Variants in FRG1 observed in about 807,000 individuals in gnomAD.
FRG1 encodes the protein protein FRG1.
FRG1 carries 19 observed loss-of-function variants against 37.0 expected under a neutral mutation model. The ratio of observed to expected loss-of-function variants is 0.51; its 90% CI spans 0.36 to 0.75. The LOEUF (loss-of-function observed/expected upper bound fraction) is 0.75. Ranked by LOEUF, FRG1 falls within the 30% of genes least tolerant of loss-of-function variation. The probability of loss-of-function intolerance (pLI) is 0.00; values close to 1 mark genes in which losing one functional copy is unlikely to be tolerated. For synonymous variants in FRG1, 73 were observed against 96.5 expected (o/e 0.76, Z 1.43); for missense variants, 243 against 301.4 (o/e 0.81, Z 1.44).
At chr4:189,943,945 G>A (rs1403520352) in intron 2 of FRG1, among the ~76,000 whole-genome samples, 1 of 152,150 alleles carries the variant, frequency 6.6e-6, no homozygotes, top group Admixed American at 6.5e-5. Flanking sequence ...TCTAAAATTA[G>A]GGTAAATATC....
chr4:189,943,252 A>G lies in FRG1; in HGVS notation c.113A>G (p.Glu38Gly). 2.5e-6 allele frequency: 4 copies of G among 1,609,662 alleles called. No individual in the cohort carries two copies. The highest frequency in any genetic ancestry group is 3.4e-6 in the Non-Finnish European group (4 of 1,178,044). The change falls in exon 2 of 9, where the codon GAA (glutamate) becomes GGA (glycine). Residue 38 changes from glutamate (E) to glycine (G), a missense_variant. This residue lies in a region of FRG1 where 110 missense variants were observed against 102.2 expected (regional missense o/e 1.08). Transcript: ENST00000226798. ...DKKRKREEDE[E>G]TQLDIVGIWW... ...AAAAGAAAAAGAGAAGAAGATGAAG[A>G]AACCCAGCTTGATATTGTTGGTGAG...
intron 3 of FRG1, among the ~76,000 whole-genome samples, chr4:189,952,763 A>C (rs1166015294): frequency 6.6e-6 from 1 of 152,160 alleles, no homozygotes; most frequent in Non-Finnish European, 1.5e-5. Flanking sequence ...AAGTGAAAGC[A>C]TTTAGCTTTT....
rs113162024 is a variant in FRG1 at position 189,954,942 on chromosome 4, T to G, written c.318-95T>G. 149 of 691,300 alleles carry G rather than the reference T, an allele frequency of 2.2e-4. 2 individuals carry two copies. Among genetic ancestry groups the G allele is most frequent in the African/African-American group, 2.1e-3 (117 of 55,770 alleles). The allele number at this position is 691,300 out of a possible 1,614,324, so 42.8% of individuals were successfully genotyped here. The stretch of plus-strand genomic sequence containing the variant: ...TATGTGCAGTCTGAAATTTTAGATA[T>G]GTACACAGCCACACACATACGCATG... On this transcript the variant is annotated intron_variant, in intron 4 of 8. Coordinates refer to ENST00000226798, the MANE Select transcript of FRG1 (RefSeq NM_004477.3).
At chr4:189,944,057 T>C (rs938240105) in intron 2 of FRG1, among the ~76,000 whole-genome samples, 9 of 152,232 alleles carry the variant, frequency 5.9e-5, no homozygotes, top group African/African-American at 2.2e-4. Flanking sequence ...TGTGCCATTT[T>C]ACCCTCCTAC....
At chr4:189,955,663 A>G (rs2126816179) in intron 5 of FRG1, among the ~76,000 whole-genome samples, 1 of 152,148 alleles carries the variant, frequency 6.6e-6, no homozygotes, top group South Asian at 2.1e-4. Context: ...AAAAGATAAT[A>G]TACTAATTCT....
intron 4 of FRG1, among the ~76,000 whole-genome samples, chr4:189,953,608 T>C (rs969797173): frequency 2.6e-5 from 4 of 152,166 alleles, no homozygotes; most frequent in African/African-American, 9.6e-5. Flanking sequence ...AACGATTCTT[T>C]GGGCAGAAGA....
chr4:189,950,941 A>G (rs919659298), intron 2 of FRG1, among the ~76,000 whole-genome samples: 4 of 152,164 alleles, frequency 2.6e-5, no homozygotes, highest in East Asian at 1.9e-4. Flanking sequence ...ATATTATACT[A>G]TGTCATTATC....
At chr4:189,958,292 C>T (rs10007357) in intron 6 of FRG1, among the ~76,000 whole-genome samples, 4,481 of 152,078 alleles carry the variant, frequency 0.029, 208 homozygotes, top group African/African-American at 0.1. Context: ...TGTAGATGTG[C>T]GGGTGGACCT....
At chr4:189,961,740 AT>A (rs1464635549) in intron 7 of FRG1, 81 bp from the exon 8 acceptor site, 25 of 648,822 alleles carry the variant, frequency 3.9e-5, no homozygotes, top group Non-Finnish European at 3.5e-5. Flanking sequence ...TGAAAAAGAA[AT>A]TAACAGTATT....
chr4:189,945,257 T>C lies in FRG1; in HGVS notation c.133+1985T>C, dbSNP rs151140741. On this transcript the variant is annotated intron_variant, in intron 2 of 8. Transcript: ENST00000226798. ...TCCTTTTGTCTTGTCTTTCTTTTTA[T>C]TGGTTTATTATACTGTCCAGGACTT... 4.7e-3 allele frequency among the ~76,000 whole-genome samples: 712 copies of C among 152,354 alleles called. 4 individuals carry two copies. The highest frequency in any genetic ancestry group is 0.017 in the African/African-American group (689 of 41,572).
chr4:189,951,442 A>G (rs1736747489), intron 2 of FRG1, among the ~76,000 whole-genome samples: 2 of 151,552 alleles, frequency 1.3e-5, no homozygotes, highest in African/African-American at 4.9e-5. Context: ...GTGAGCCGAG[A>G]TCGCATCACT....
intron 2 of FRG1, among the ~76,000 whole-genome samples, chr4:189,950,411 G>A (rs1736705696): frequency 6.6e-6 from 1 of 152,068 alleles, no homozygotes; most frequent in African/African-American, 2.4e-5. Context: ...TGTTGCCTGT[G>A]CCTTTGATGT....
chr4:189,957,241 C>A (rs1330113970), intron 5 of FRG1, among the ~76,000 whole-genome samples, 157 bp from the exon 6 acceptor site: 4 of 75,282 alleles, frequency 5.3e-5, no homozygotes, highest in African/African-American at 1.5e-4. Context: ...ATTTTGGTTT[C>A]TTTTCTATAT....
chr4:189,949,960 C>G (rs2126807039), intron 2 of FRG1, among the ~76,000 whole-genome samples: 2 of 152,232 alleles, frequency 1.3e-5, no homozygotes, highest in Middle Eastern at 6.8e-3. Flanking sequence ...CACCATTTTA[C>G]CTTCCCACCA....
At chr4:189,942,860 C>T (rs6553396) in intron 1 of FRG1, among the ~76,000 whole-genome samples, 33 of 152,022 alleles carry the variant, frequency 2.2e-4, no homozygotes, top group Non-Finnish European at 1.0e-4. Context: ...CTCACAATAG[C>T]CTTAAGAGTT....
At chr4:189,947,146 C>G (rs565157412) in intron 2 of FRG1, among the ~76,000 whole-genome samples, 1 of 152,206 alleles carries the variant, frequency 6.6e-6, no homozygotes, top group Non-Finnish European at 1.5e-5. Context: ...CCGGCCAGTT[C>G]AGTGTTCTTT....
In FRG1 at chr4:189,953,106, G is replaced by C. The variant is rs1186594180; in HGVS notation, c.298G>C (p.Val100Leu). 3.1e-6 allele frequency: 5 copies of C among 1,587,898 alleles called. No individual in the cohort carries two copies. In the East Asian group the frequency reaches 1.1e-4, roughly 36 times the overall value. ...TAGTCCTCCAGAGCAGTTTACGGCT[G>C]TCAAATTATCTGATTCCAGGTGAGC... Reference protein sequence around the residue: ...GPSPPEQFTAVKLSDSRIALK... With the variant: ...GPSPPEQFTALKLSDSRIALK... The change falls in exon 4 of 9, where the codon GTC (valine) becomes CTC (leucine). Residue 100 changes from valine to leucine, a missense_variant. By Grantham distance (32) the Val-to-Leu change is conservative. Coordinates refer to ENST00000226798, the MANE Select transcript of FRG1 (RefSeq NM_004477.3).
intron 2 of FRG1, among the ~76,000 whole-genome samples, chr4:189,950,549 T>C (rs1736710204): frequency 6.6e-6 from 1 of 152,208 alleles, no homozygotes; most frequent in South Asian, 2.1e-4. Flanking sequence ...TATTTGGCAT[T>C]AGATAAGGGT....
At chr4:189,954,554 A>G (rs1736896766) in intron 4 of FRG1, among the ~76,000 whole-genome samples, 2 of 151,698 alleles carry the variant, frequency 1.3e-5, no homozygotes, top group South Asian at 4.2e-4. Flanking sequence ...TTAAAACTGC[A>G]CTGTCCAACA....
Sources: allele counts gnomAD v4.1 joint callset (sites outside exome capture counted in the v4.1 genomes callset), GRCh38; gene constraint gnomAD v4.1.1; regional missense constraint gnomAD v4.1.1; transcripts MANE v1.5; gene names NCBI Gene and HGNC (gene_info 2026-07-23, HGNC 2026-07-21).